Variants in TOX observed in about 807,000 individuals in gnomAD.
TOX encodes the protein thymocyte selection associated high mobility group box.
TOX carries 11 observed loss-of-function variants against 53.7 expected under a neutral mutation model. That is an observed-to-expected ratio of 0.20 (90% CI 0.13 to 0.34). TOX has a LOEUF of 0.34. TOX is among the 10% of genes least tolerant of loss of function. The pLI, the probability that TOX is intolerant of heterozygous loss-of-function variation, is 1.00. For synonymous variants in TOX, 225 were observed against 245.3 expected (o/e 0.92, Z 0.77); for missense variants, 570 against 664.6 (o/e 0.86, Z 1.56).
chr8:59,021,481 A>ATATATATATATATATATATATAT (rs1554539852), intron 1 of TOX, among the ~76,000 whole-genome samples: 63 of 64,682 alleles, frequency 9.7e-4, no homozygotes, highest in African/African-American at 3.3e-3. Flanking sequence ...AAAAAAAAAA[A>ATATATATATATATATATATATAT]ATATATATAT....
At chr8:59,067,000 A>C (rs945096309) in intron 1 of TOX, among the ~76,000 whole-genome samples, 2 of 152,220 alleles carry the variant, frequency 1.3e-5, no homozygotes, top group African/African-American at 4.8e-5. Context: ...TGCAGATATT[A>C]ATAGACATTG....
Position 59,106,729 on chromosome 8 carries a change from C to A in TOX, c.102+12157G>T, listed in dbSNP as rs74588069. Among the ~76,000 whole-genome samples, 27 of 152,188 alleles carry A rather than the reference C, an allele frequency of 1.8e-4. No individual in the cohort carries two copies. The East Asian group carries it at 4.8e-3, about 27-fold the overall frequency. ...CCGGGTTGTCAATCATGAGGAAAGC[C>A]TTTTTGACAACATTCAGCGAAGCGT... On this transcript the variant is annotated intron_variant, in intron 1 of 8. Coordinates refer to ENST00000361421, the MANE Select transcript of TOX (RefSeq NM_014729.3).
At chr8:59,085,979 C>CTTTTTTTTTTTTTTTTTTTTTT (rs35593177) in intron 1 of TOX, among the ~76,000 whole-genome samples, 75 of 88,812 alleles carry the variant, frequency 8.4e-4, no homozygotes, top group Non-Finnish European at 1.3e-3. Context: ...CTTTTCTTTT[C>CTTTTTTTTTTTTTTTTTTTTTT]TTTTTTTTTT....
intron 3 of TOX, among the ~76,000 whole-genome samples, chr8:58,919,213 T>C (rs1191224829): frequency 6.8e-6 from 1 of 146,078 alleles, no homozygotes; most frequent in East Asian, 2.0e-4. Flanking sequence ...TACTTTAAAG[T>C]TCATATGGAA....
intron 6 of TOX, among the ~76,000 whole-genome samples, chr8:58,818,937 T>A (rs775214720): frequency 1.3e-5 from 2 of 152,236 alleles, no homozygotes; most frequent in Non-Finnish European, 2.9e-5. Flanking sequence ...TGTATGTTTA[T>A]GTAATGGTCC....
At chr8:59,100,713 A>G (rs1045415138) in intron 1 of TOX, among the ~76,000 whole-genome samples, 1 of 152,216 alleles carries the variant, frequency 6.6e-6, no homozygotes, top group African/African-American at 2.4e-5. Flanking sequence ...AATCGGAACA[A>G]AATGAACACG....
chr8:59,116,641 G>A (rs921497455), intron 1 of TOX, among the ~76,000 whole-genome samples: 1 of 152,180 alleles, frequency 6.6e-6, no homozygotes, highest in Admixed American at 6.5e-5. Flanking sequence ...GCTACACAGA[G>A]ATGGGCCAGA....
chr8:58,941,014 TG>T (rs1447457596), intron 2 of TOX, among the ~76,000 whole-genome samples: 5 of 152,212 alleles, frequency 3.3e-5, no homozygotes, highest in Non-Finnish European at 5.9e-5. Flanking sequence ...GACTGTTATA[TG>T]CAGATAATTT....
chr8:58,842,390 C>G (rs1402083822), intron 4 of TOX, among the ~76,000 whole-genome samples: 1 of 152,192 alleles, frequency 6.6e-6, no homozygotes. Flanking sequence ...CTTCTGCTTT[C>G]TACCATGGGA....
At chr8:59,084,561 T>G (rs549497707) in intron 1 of TOX, among the ~76,000 whole-genome samples, 1 of 152,322 alleles carries the variant, frequency 6.6e-6, no homozygotes, top group Non-Finnish European at 1.5e-5. Flanking sequence ...TGATGAAATT[T>G]TGTCATGAGG....
chr8:58,824,316 C>T (rs1563362940), intron 6 of TOX, among the ~76,000 whole-genome samples: 1 of 152,190 alleles, frequency 6.6e-6, no homozygotes, highest in East Asian at 1.9e-4. Flanking sequence ...TAAGTCCCAT[C>T]AGGGTATCTG....
intron 1 of TOX, among the ~76,000 whole-genome samples, chr8:59,054,296 T>C (rs1803844953): frequency 6.6e-6 from 1 of 152,210 alleles, no homozygotes; most frequent in Admixed American, 6.5e-5. Flanking sequence ...ATCATTCTGA[T>C]CTTTGCGTAC....
At chr8:58,809,462 T>C (rs1476839375) in intron 7 of TOX, among the ~76,000 whole-genome samples, 1 of 152,218 alleles carries the variant, frequency 6.6e-6, no homozygotes, top group Non-Finnish European at 1.5e-5. Context: ...CAGTTTTAGA[T>C]ATTAAGTTTA....
intron 3 of TOX, among the ~76,000 whole-genome samples, chr8:58,928,519 GAA>G (rs1812201881): frequency 6.6e-6 from 1 of 152,080 alleles, no homozygotes; most frequent in Non-Finnish European, 1.5e-5. Flanking sequence ...GAGACAGAAA[GAA>G]AGATACATAC....
At chr8:59,070,550 G>A (rs1025956334) in intron 1 of TOX, among the ~76,000 whole-genome samples, 1 of 93,780 alleles carries the variant, frequency 1.1e-5, no homozygotes, top group African/African-American at 3.6e-5. Flanking sequence ...CACACACACA[G>A]GGAGACCTAA....
rs531651286 is a variant in TOX at position 58,806,430 on chromosome 8, G to C, written c.*1317C>G. The C allele has an allele frequency of 6.6e-6, 1 of 152,158 alleles. No homozygotes were observed. The highest frequency in any genetic ancestry group is 1.9e-4 in the East Asian group (1 of 5,168). The allele number at this position is 152,158 out of a possible 1,614,324, so 9.4% of individuals were successfully genotyped here. On this transcript the variant is annotated 3_prime_UTR_variant, in exon 9 of 9. Coordinates refer to ENST00000361421, the MANE Select transcript of TOX (RefSeq NM_014729.3). ...TGACTTTTACTTTTTTGCGGGGGGC[G>C]GGGGGTGGTGGTTCAGAATTGACTA...
chr8:58,815,389 G>A lies in TOX; in HGVS notation c.1341C>T (p.Asn447=). Residue 447 remains asparagine, a synonymous_variant, in exon 7 of 9, where the codon AAC becomes AAT. Transcript: ENST00000361421. ...QPLTMQQPLG[N]QLPMQVQSAL... ...CAGACTGGACCTGCATGGGGAGCTGGTTCCCAAGGGGCTGCTGCATGGTGA... is the reference window on the plus strand; with the variant it reads ...CAGACTGGACCTGCATGGGGAGCTGATTCCCAAGGGGCTGCTGCATGGTGA... 6.2e-7 allele frequency: 1 copy of A among 1,613,116 alleles called. No individual in the cohort carries two copies. The highest frequency in any genetic ancestry group is 8.5e-7 in the Non-Finnish European group (1 of 1,179,582).
intron 2 of TOX, among the ~76,000 whole-genome samples, chr8:58,955,917 T>A (rs1357519585): frequency 6.6e-6 from 1 of 151,884 alleles, no homozygotes; most frequent in Non-Finnish European, 1.5e-5. Context: ...GTATTTTTAG[T>A]AGAGATGGGG....
chr8:58,911,600 C>T (rs557376661), intron 3 of TOX, among the ~76,000 whole-genome samples: 94 of 152,300 alleles, frequency 6.2e-4, no homozygotes, highest in African/African-American at 2.3e-3. Context: ...AGACTAAATG[C>T]TGACATGGCT....
Sources: allele counts gnomAD v4.1 joint callset (sites outside exome capture counted in the v4.1 genomes callset), GRCh38; gene constraint gnomAD v4.1.1; transcripts MANE v1.5; gene names NCBI Gene and HGNC (gene_info 2026-07-23, HGNC 2026-07-21).